Variants in MGAT4C observed in about 807,000 individuals in gnomAD.
The protein encoded by MGAT4C is MGAT4 family member C, also known as alpha-1,3-mannosyl-glycoprotein 4-beta-N-acetylglucosaminyltransferase C.
Under a neutral mutation model 40.1 loss-of-function variants are expected in MGAT4C, and 19 were observed. The observed-to-expected ratio is 0.47, with a 90% CI of 0.33 to 0.70. The LOEUF (loss-of-function observed/expected upper bound fraction) is 0.70, where lower values mean the gene tolerates loss of function less well. MGAT4C is among the 30% of genes least tolerant of loss of function. The probability of loss-of-function intolerance (pLI) is 0.02; values close to 1 mark genes in which losing one functional copy is unlikely to be tolerated. For synonymous variants in MGAT4C, 181 were observed against 187.1 expected, an observed-to-expected ratio of 0.97 and a Z score of 0.27; for missense variants, 491 against 563.2, an observed-to-expected ratio of 0.87 and a Z score of 1.30.
chr12:86,508,598 G>GAACTA lies in MGAT4C; in HGVS notation c.-228-73334_-228-73333insTAGTT, dbSNP rs757963268. ...CAGTAATGGGATGGCTGGGTCAAAT[G>GAACTA]GTATTTCTAGTTCTAGATCCCTGAG... is the stretch of plus-strand genomic sequence containing the variant. On this transcript the variant is annotated intron_variant, in intron 2 of 7. Coordinates refer to the MGAT4C transcript ENST00000548651. Among the ~76,000 whole-genome samples the GAACTA allele has an allele frequency of 5.3e-3, 807 of 151,996 alleles. 2 individuals are homozygous for GAACTA. Among genetic ancestry groups the GAACTA allele is most frequent in the Non-Finnish European group, 8.3e-3 (567 of 67,974 alleles).
At chr12:86,389,873 A>G (rs1235108422) in intron 3 of MGAT4C, among the ~76,000 whole-genome samples, 1 of 152,202 alleles carries the variant, frequency 6.6e-6, no homozygotes, top group Non-Finnish European at 1.5e-5. Context: ...TCTCGGGGAT[A>G]CAGCATATTT....
chr12:86,104,033 A>G (rs993982661), intron 1 of MGAT4C, among the ~76,000 whole-genome samples: 1 of 152,126 alleles, frequency 6.6e-6, no homozygotes, highest in African/African-American at 2.4e-5. Context: ...GGGGATCCCA[A>G]GTCCAGAGGT....
chr12:86,068,563 A>G (rs1894781160), intron 1 of MGAT4C: 1 of 148,286 alleles, frequency 6.7e-6, no homozygotes, highest in South Asian at 2.1e-4. Flanking sequence ...ATATAAGTAT[A>G]TTTATATGTT....
intron 1 of MGAT4C, among the ~76,000 whole-genome samples, chr12:86,229,278 C>T (rs1236179167): frequency 6.6e-6 from 1 of 151,790 alleles, no homozygotes; most frequent in Non-Finnish European, 1.5e-5. Flanking sequence ...AAGAATAATG[C>T]TTAAATATAT....
intron 4 of MGAT4C, among the ~76,000 whole-genome samples, chr12:86,294,767 G>C (rs2136132148): frequency 6.6e-6 from 1 of 152,156 alleles, no homozygotes; most frequent in East Asian, 1.9e-4. Context: ...AGACTATTTG[G>C]TTCCTATTTT....
At chr12:86,558,085 A>G (rs956102694) in intron 2 of MGAT4C, among the ~76,000 whole-genome samples, 3 of 152,072 alleles carry the variant, frequency 2.0e-5, no homozygotes, top group African/African-American at 2.4e-5. Flanking sequence ...TAAAAATACA[A>G]TGAAGAGCTA....
At chr12:86,413,117 T>A (rs1956638466) in intron 3 of MGAT4C, among the ~76,000 whole-genome samples, 1 of 152,086 alleles carries the variant, frequency 6.6e-6, no homozygotes, top group Non-Finnish European at 1.5e-5. Context: ...TATGTTAAAT[T>A]GTGTGTCTGA....
At chr12:86,109,354 C>A (rs1876802930) in intron 1 of MGAT4C, among the ~76,000 whole-genome samples, 1 of 151,938 alleles carries the variant, frequency 6.6e-6, no homozygotes, top group Non-Finnish European at 1.5e-5. Context: ...TTACTTGTGG[C>A]AATACAAAGA....
intron 1 of MGAT4C, among the ~76,000 whole-genome samples, chr12:86,156,200 T>C (rs1163496816): frequency 6.6e-6 from 1 of 152,220 alleles, no homozygotes; most frequent in Non-Finnish European, 1.5e-5. Context: ...TGTGTTCATT[T>C]CATATTTGCC....
intron 2 of MGAT4C, among the ~76,000 whole-genome samples, chr12:86,444,976 T>G (rs756340184): frequency 6.6e-6 from 1 of 152,172 alleles, no homozygotes; most frequent in Admixed American, 6.5e-5. Context: ...AAATGCAAAC[T>G]TATCCATAGT....
intron 1 of MGAT4C, among the ~76,000 whole-genome samples, chr12:86,097,523 A>G (rs1874158428): frequency 6.6e-6 from 1 of 151,630 alleles, no homozygotes; most frequent in Admixed American, 6.6e-5. Flanking sequence ...TGACATAAAA[A>G]TACTCCATTT....
At chr12:86,003,118 T>C (rs534802902) in intron 2 of MGAT4C, among the ~76,000 whole-genome samples, 2 of 152,312 alleles carry the variant, frequency 1.3e-5, no homozygotes, top group African/African-American at 4.8e-5. Context: ...TCTTAAATTC[T>C]GTTCCAATTT....
Position 85,973,457 on chromosome 12 carries a change from CTGT to C in MGAT4C, c.*5829_*5831del, listed in dbSNP as rs1456021556. Reference sequence around the variant, plus strand: ...TAAGGTTCTGAATATTGGTAACTCACTGTTGTTGTGCACCTTTAAACAACTCTT... The same window carrying C: ...TAAGGTTCTGAATATTGGTAACTCACTGTTGTGCACCTTTAAACAACTCTT... On this transcript the variant is annotated 3_prime_UTR_variant, in exon 5 of 5. Coordinates refer to ENST00000611864, the MANE Select transcript of MGAT4C (RefSeq NM_001351288.2). 5.3e-5 allele frequency: 8 copies of C among 150,804 alleles called. No homozygotes were observed. The highest frequency in any genetic ancestry group is 4.6e-4 in the Admixed American group (7 of 15,076). The allele number at this position is 150,804 out of a possible 1,614,324, so 9.3% of individuals were successfully genotyped here.
chr12:86,011,636 G>A (rs1888470089), intron 2 of MGAT4C, among the ~76,000 whole-genome samples: 4 of 152,190 alleles, frequency 2.6e-5, no homozygotes, highest in African/African-American at 9.7e-5. Context: ...TAGTAGGATA[G>A]GGCCAATAGG....
intron 2 of MGAT4C, among the ~76,000 whole-genome samples, chr12:86,682,860 T>A (rs910611043): frequency 1.3e-5 from 2 of 152,148 alleles, no homozygotes; most frequent in African/African-American, 4.8e-5. Context: ...TTAGGAGATA[T>A]AAAGAATGAT....
chr12:86,051,898 T>A (rs1443387235), intron 1 of MGAT4C, among the ~76,000 whole-genome samples: 3 of 151,688 alleles, frequency 2.0e-5, no homozygotes, highest in African/African-American at 7.2e-5. Flanking sequence ...TATAGCATGA[T>A]GAAAAATATT....
intron 2 of MGAT4C, among the ~76,000 whole-genome samples, chr12:86,550,605 A>G (rs1959303317): frequency 6.6e-6 from 1 of 152,148 alleles, no homozygotes; most frequent in Non-Finnish European, 1.5e-5. Flanking sequence ...AAGTCCACAA[A>G]GGTGGCTTAA....
chr12:86,688,394 C>T (rs1174180977), intron 2 of MGAT4C, among the ~76,000 whole-genome samples: 2 of 151,910 alleles, frequency 1.3e-5, no homozygotes, highest in Admixed American at 1.3e-4. Context: ...CATTATGATG[C>T]CAGCTGGTGA....
chr12:86,654,363 A>T (rs1963782112), intron 2 of MGAT4C, among the ~76,000 whole-genome samples: 1 of 151,742 alleles, frequency 6.6e-6, no homozygotes, highest in African/African-American at 2.4e-5. Flanking sequence ...TCCTGACAAC[A>T]ATCGAAATCA....
Sources: allele counts gnomAD v4.1 joint callset (sites outside exome capture counted in the v4.1 genomes callset), GRCh38; gene constraint gnomAD v4.1.1; transcripts MANE v1.5; gene names NCBI Gene and HGNC (gene_info 2026-07-23, HGNC 2026-07-21).